The following AK5 variants were observed in gnomAD, a reference collection of about 807,000 sequenced individuals.
AK5 encodes the protein adenylate kinase isoenzyme 5.
Under a neutral mutation model 69.5 loss-of-function variants are expected in AK5, and 27 were observed. That is an observed-to-expected ratio of 0.39 (90% CI 0.29 to 0.54). The LOEUF is 0.54. Ranked by LOEUF, AK5 falls within the 20% of genes least tolerant of loss-of-function variation. The pLI is 0.71. For synonymous variants in AK5, 260 were observed against 244.4 expected, an observed-to-expected ratio of 1.06 and a Z score of -0.60; for missense variants, 531 against 700.4, an observed-to-expected ratio of 0.76 and a Z score of 2.73.
chr1:77,299,062 C>T (rs545243535), intron 5 of AK5, among the ~76,000 whole-genome samples: 2 of 152,190 alleles, frequency 1.3e-5, no homozygotes, highest in Admixed American at 1.3e-4. Flanking sequence ...CAAATGCATT[C>T]TAAATTTTTA....
intron 6 of AK5, among the ~76,000 whole-genome samples, chr1:77,360,740 G>C (rs1037487209): frequency 2.6e-5 from 4 of 152,158 alleles, no homozygotes; most frequent in Admixed American, 6.5e-5. Flanking sequence ...GAGAGGGAGA[G>C]ACTGACTTTT....
At chr1:77,423,099 T>C (rs1188188395) in intron 8 of AK5, among the ~76,000 whole-genome samples, 2 of 151,812 alleles carry the variant, frequency 1.3e-5, no homozygotes, top group Non-Finnish European at 2.9e-5. Context: ...TGGGCACCTG[T>C]AGTCCCAGCT....
chr1:77,372,538 T>C (rs1188726206), intron 6 of AK5, among the ~76,000 whole-genome samples: 1 of 152,242 alleles, frequency 6.6e-6, no homozygotes, highest in African/African-American at 2.4e-5. Context: ...TCATTCTTAA[T>C]ACATTTAACT....
At chr1:77,505,060 A>G (rs1483644021) in intron 10 of AK5, among the ~76,000 whole-genome samples, 1 of 152,200 alleles carries the variant, frequency 6.6e-6, no homozygotes, top group East Asian at 1.9e-4. Context: ...TTATATTGCC[A>G]AATTGCCCTT....
intron 8 of AK5, among the ~76,000 whole-genome samples, chr1:77,437,978 T>G (rs1652059214): frequency 1.3e-5 from 2 of 152,136 alleles, no homozygotes; most frequent in South Asian, 4.1e-4. Flanking sequence ...CTAAAGCAAT[T>G]GTTAAATCAC....
At chr1:77,533,509 C>CAAAAAAAAAAA (rs10526328) in intron 12 of AK5, among the ~76,000 whole-genome samples, 3 of 94,940 alleles carry the variant, frequency 3.2e-5, no homozygotes, top group African/African-American at 1.5e-4. Flanking sequence ...ACTCTGTCAC[C>CAAAAAAAAAAA]AAAAAAAAAA....
At chr1:77,310,407 T>G (rs12089562) in intron 5 of AK5, among the ~76,000 whole-genome samples, 15,343 of 151,992 alleles carry the variant, frequency 0.1, 1,010 homozygotes, top group East Asian at 0.2. Flanking sequence ...TGAGACAGAG[T>G]CTTACTCAGT....
chr1:77,475,265 G>T (rs1248552628), intron 8 of AK5, among the ~76,000 whole-genome samples: 1 of 142,988 alleles, frequency 7.0e-6, no homozygotes, highest in East Asian at 2.0e-4. Flanking sequence ...TATAGATATA[G>T]AGAGAAATAT....
At chr1:77,509,261 C>T (rs1657196001) in intron 10 of AK5, among the ~76,000 whole-genome samples, 1 of 152,338 alleles carries the variant, frequency 6.6e-6, no homozygotes, top group African/African-American at 2.4e-5. Context: ...TCCATATAAC[C>T]TTCAGCTGAC....
chr1:77,377,880 G>C (rs1647351321), intron 6 of AK5, among the ~76,000 whole-genome samples: 1 of 152,100 alleles, frequency 6.6e-6, no homozygotes, highest in African/African-American at 2.4e-5. Flanking sequence ...CTAGGAGAAT[G>C]CCCAATGACT....
intron 8 of AK5, among the ~76,000 whole-genome samples, chr1:77,428,361 T>C (rs1329838587): frequency 2.0e-5 from 3 of 152,198 alleles, no homozygotes; most frequent in Admixed American, 2.0e-4. Context: ...ACTTAGGTTC[T>C]CAAAACCTGA....
intron 8 of AK5, among the ~76,000 whole-genome samples, chr1:77,437,787 G>GT (rs112063356): frequency 3.4e-4 from 51 of 151,298 alleles, no homozygotes; most frequent in African/African-American, 1.0e-3. Context: ...TATTTAAAGG[G>GT]TTTTTTTTTC....
intron 8 of AK5, among the ~76,000 whole-genome samples, chr1:77,481,603 G>A (rs1655256039): frequency 6.6e-6 from 1 of 152,188 alleles, no homozygotes; most frequent in Admixed American, 6.5e-5. Context: ...TTTACCTCAA[G>A]GGAGTGTTAA....
chr1:77,309,553 G>A (rs1570355679), intron 5 of AK5, among the ~76,000 whole-genome samples: 1 of 152,008 alleles, frequency 6.6e-6, no homozygotes. Flanking sequence ...TCCTTATAAC[G>A]ATTTCATGTT....
At chr1:77,357,307 A>ATC (rs1445750333) in intron 6 of AK5, among the ~76,000 whole-genome samples, 1 of 152,188 alleles carries the variant, frequency 6.6e-6, no homozygotes, top group African/African-American at 2.4e-5. Flanking sequence ...AAGTCTCTTA[A>ATC]TCTCTCTAAG....
intron 5 of AK5, among the ~76,000 whole-genome samples, chr1:77,307,229 C>T (rs1465565376): frequency 6.6e-6 from 1 of 151,554 alleles, no homozygotes; most frequent in East Asian, 1.9e-4. Flanking sequence ...GATGTAGGCA[C>T]TTATAGCTAT....
At chr1:77,457,038 C>T (rs1280719596) in intron 8 of AK5, among the ~76,000 whole-genome samples, 4 of 151,968 alleles carry the variant, frequency 2.6e-5, no homozygotes, top group African/African-American at 9.7e-5. Flanking sequence ...TCCTTGTGTT[C>T]GCAAATCAGT....
intron 8 of AK5, among the ~76,000 whole-genome samples, chr1:77,469,170 C>G (rs1270590779): frequency 6.6e-6 from 1 of 152,196 alleles, no homozygotes; most frequent in African/African-American, 2.4e-5. Flanking sequence ...TTCCACTGAT[C>G]TAGGCTGGGC....
chr1:77,463,870 C>T (rs192043290), intron 8 of AK5, among the ~76,000 whole-genome samples: 2 of 152,268 alleles, frequency 1.3e-5, no homozygotes, highest in African/African-American at 4.8e-5. Flanking sequence ...AGGTACACTC[C>T]TCATCCAATC....
Sources: allele counts gnomAD v4.1 joint callset (sites outside exome capture counted in the v4.1 genomes callset), GRCh38; gene constraint gnomAD v4.1.1; transcripts MANE v1.5; gene names NCBI Gene and HGNC (gene_info 2026-07-23, HGNC 2026-07-21).